The following PSD3 variants were observed in gnomAD, a reference collection of about 807,000 sequenced individuals.
PSD3 encodes the protein PH and SEC7 domain-containing protein 3.
In PSD3, 49 loss-of-function variants were observed where a neutral mutation model predicts 105.5. That is an observed-to-expected ratio of 0.46 (90% CI 0.37 to 0.59). PSD3 has a LOEUF of 0.59. Ranked by LOEUF, PSD3 falls within the 20% of genes least tolerant of loss-of-function variation. PSD3 has a pLI of 0.00. For missense variants in PSD3, 1,561 were observed against 1,263.8 expected (o/e 1.24, Z -3.57); for synonymous variants, 557 against 457.8 (o/e 1.22, Z -2.77).
At chr8:18,785,899 A>C (rs979700397) in intron 8 of PSD3, among the ~76,000 whole-genome samples, 2 of 152,212 alleles carry the variant, frequency 1.3e-5, no homozygotes, top group Middle Eastern at 3.2e-3. Flanking sequence ...TTATCAATTA[A>C]GTCTGCTGTC....
chr8:18,681,743 A>T (rs1800401276), intron 9 of PSD3, among the ~76,000 whole-genome samples: 1 of 152,064 alleles, frequency 6.6e-6, no homozygotes, highest in Non-Finnish European at 1.5e-5. Flanking sequence ...AGAATATTCT[A>T]TTCTACTGAT....
intron 11 of PSD3, among the ~76,000 whole-genome samples, chr8:18,617,394 G>C (rs1006316320): frequency 3.9e-5 from 6 of 152,050 alleles, no homozygotes; most frequent in Non-Finnish European, 7.4e-5. Flanking sequence ...AGCTGGTCGT[G>C]ATGGTGGGTG....
chr8:18,723,204 G>A (rs1166631660), intron 9 of PSD3, among the ~76,000 whole-genome samples: 2 of 152,110 alleles, frequency 1.3e-5, no homozygotes, highest in Admixed American at 1.3e-4. Flanking sequence ...AAGGACATGT[G>A]GCTGCAGATG....
chr8:18,627,157 A>G (rs4401901), intron 11 of PSD3, among the ~76,000 whole-genome samples: 13,519 of 152,124 alleles, frequency 0.089, 808 homozygotes, highest in East Asian at 0.19. Flanking sequence ...ATGAGTTAAG[A>G]CTGGCTTACT....
chr8:18,873,818 A>C (rs759202737), intron 2 of PSD3, among the ~76,000 whole-genome samples: 1 of 152,250 alleles, frequency 6.6e-6, no homozygotes, highest in Non-Finnish European at 1.5e-5. Context: ...TAGTAAGATC[A>C]CTACCTGCAT....
chr8:19,057,242 C>T (rs544618775), intron 1 of PSD3, among the ~76,000 whole-genome samples: 2 of 152,144 alleles, frequency 1.3e-5, no homozygotes, highest in African/African-American at 4.8e-5. Context: ...AATTTCTCTA[C>T]TCTTGTTCAT....
At chr8:18,639,334 C>G (rs1387773315) in intron 10 of PSD3, among the ~76,000 whole-genome samples, 1 of 151,812 alleles carries the variant, frequency 6.6e-6, no homozygotes, top group Non-Finnish European at 1.5e-5. Flanking sequence ...GAAGTTCTTT[C>G]AGATGGTCTT....
chr8:18,653,696 G>C (rs954227991), intron 10 of PSD3, among the ~76,000 whole-genome samples: 1 of 151,484 alleles, frequency 6.6e-6, no homozygotes, highest in Non-Finnish European at 1.5e-5. Flanking sequence ...TGGGTAACAC[G>C]CAAGATATAG....
intron 9 of PSD3, among the ~76,000 whole-genome samples, chr8:18,690,868 C>T (rs1335403488): frequency 6.6e-6 from 1 of 152,178 alleles, no homozygotes; most frequent in Non-Finnish European, 1.5e-5. Flanking sequence ...TTGCCTTCAC[C>T]CATCTCAATT....
At chr8:18,782,851 T>C (rs530184599) in intron 8 of PSD3, among the ~76,000 whole-genome samples, 2 of 152,320 alleles carry the variant, frequency 1.3e-5, no homozygotes, top group East Asian at 3.9e-4. Context: ...CGCAGCTGGG[T>C]GGCACATGGC....
chr8:18,707,967 C>A (rs1035254806), intron 9 of PSD3, among the ~76,000 whole-genome samples: 9 of 152,336 alleles, frequency 5.9e-5, no homozygotes, highest in African/African-American at 2.2e-4. Flanking sequence ...AAAGATTAGG[C>A]AATGCCACCT....
At chr8:18,859,224 C>CTT (rs35179243) in intron 4 of PSD3, among the ~76,000 whole-genome samples, 1,432 of 130,360 alleles carry the variant, frequency 0.011, 34 homozygotes, top group African/African-American at 0.036. Context: ...CAAAGAAATC[C>CTT]TTTTTTTTTT....
intron 9 of PSD3, among the ~76,000 whole-genome samples, chr8:18,685,393 G>T (rs2130968420): frequency 6.6e-6 from 1 of 152,076 alleles, no homozygotes; most frequent in East Asian, 1.9e-4. Context: ...CATGACAGGG[G>T]CTTTCTTCCT....
chr8:18,875,243 T>C (rs1421097398), intron 2 of PSD3, among the ~76,000 whole-genome samples: 5 of 152,120 alleles, frequency 3.3e-5, no homozygotes, highest in Admixed American at 1.3e-4. Flanking sequence ...CTGAATCAAG[T>C]GTTGATGGAA....
At chr8:18,665,472 G>A (rs539512812) in intron 9 of PSD3, among the ~76,000 whole-genome samples, 1 of 152,198 alleles carries the variant, frequency 6.6e-6, no homozygotes, top group Non-Finnish European at 1.5e-5. Flanking sequence ...GGATTTGTAT[G>A]GATGAGCAAA....
chr8:18,973,264 TAAGAA>T (rs1824752949), intron 1 of PSD3, among the ~76,000 whole-genome samples: 1 of 152,136 alleles, frequency 6.6e-6, no homozygotes, highest in African/African-American at 2.4e-5. Context: ...GATGATGACA[TAAGAA>T]AAGAAAAGGG....
intron 14 of PSD3, among the ~76,000 whole-genome samples, chr8:18,570,976 C>T (rs1802099589): frequency 6.6e-6 from 1 of 151,916 alleles, no homozygotes. Flanking sequence ...TCTCCTGTGT[C>T]CACCTCCCAA....
chr8:18,838,129 A>C (rs1236400614), intron 4 of PSD3, among the ~76,000 whole-genome samples: 2 of 152,214 alleles, frequency 1.3e-5, no homozygotes, highest in African/African-American at 4.8e-5. Context: ...GAAATCATAT[A>C]ATGCCATCTG....
chr8:18,591,236 T>C (rs1457383732), intron 12 of PSD3, among the ~76,000 whole-genome samples: 1 of 152,156 alleles, frequency 6.6e-6, no homozygotes, highest in Non-Finnish European at 1.5e-5. Flanking sequence ...CAGAAGAGAA[T>C]GCCCTGGCCC....
Sources: gnomAD v4.1 joint callset for allele counts (sites outside exome capture counted in the v4.1 genomes callset) on GRCh38, gnomAD v4.1.1 for gene constraint, MANE v1.5 for transcripts, NCBI Gene and HGNC (gene_info 2026-07-23, HGNC 2026-07-21) for gene names.